The following BTBD16 variants were observed in gnomAD, a reference collection of about 807,000 sequenced individuals.
BTBD16 encodes BTB domain containing 16, also known as BTB/POZ domain-containing protein 16.
Under a neutral mutation model 67.4 loss-of-function variants are expected in BTBD16, and 66 were observed. The ratio of observed to expected loss-of-function variants is 0.98; its 90% CI spans 0.80 to 1.20. BTBD16 has a LOEUF of 1.20. Ranked by LOEUF, BTBD16 falls within the 50% of genes most tolerant of loss-of-function variation. The pLI is 0.00. For missense variants in BTBD16, 634 were observed against 616.0 expected (o/e 1.03, Z -0.31); for synonymous variants, 242 against 236.4 (o/e 1.02, Z -0.22).
intron 10 of BTBD16, among the ~76,000 whole-genome samples, chr10:122,328,064 C>T (rs914583910): frequency 6.6e-6 from 1 of 152,212 alleles, no homozygotes; most frequent in Non-Finnish European, 1.5e-5. Flanking sequence ...CCCTTCTTGC[C>T]CCTTGGAACC....
chr10:122,336,734 C>G (rs746718268), intron 15 of BTBD16, 52 bp downstream of exon 15: 6 of 1,477,570 alleles, frequency 4.1e-6, no homozygotes, highest in South Asian at 1.4e-5. Context: ...CTTTCTCTCC[C>G]CCATCCTTTT....
intron 1 of BTBD16, among the ~76,000 whole-genome samples, chr10:122,272,784 A>G (rs1218100878): frequency 3.3e-5 from 5 of 152,192 alleles, no homozygotes; most frequent in African/African-American, 1.2e-4. Context: ...CTTCTGCAGC[A>G]TGTATGGCAG....
At chr10:122,295,328 T>G (rs1446181591) in intron 7 of BTBD16, 5 of 985,016 alleles carry the variant, frequency 5.1e-6, no homozygotes, top group Non-Finnish European at 6.0e-6. Flanking sequence ...GGGGACAGGG[T>G]GGAGCAGCAT....
intron 10 of BTBD16, among the ~76,000 whole-genome samples, chr10:122,313,388 C>G (rs1565002597): frequency 6.6e-6 from 1 of 151,518 alleles, no homozygotes; most frequent in Non-Finnish European, 1.5e-5. Context: ...CCTCAGCCTC[C>G]TGAGTAGCTG....
At chr10:122,286,459 G>A in intron 5 of BTBD16, 1 of 322,844 alleles carries the variant, frequency 3.1e-6, no homozygotes, top group Non-Finnish European at 4.5e-6. Context: ...AAGAGTAGAG[G>A]AGGTACTAGG....
At chr10:122,297,507 A>G (rs1001849279) in intron 7 of BTBD16, among the ~76,000 whole-genome samples, 1 of 152,244 alleles carries the variant, frequency 6.6e-6, no homozygotes, top group Non-Finnish European at 1.5e-5. Context: ...AGCTTTGAGC[A>G]ATAATCCTTG....
At chr10:122,312,349 G>A (rs1199037212) in intron 10 of BTBD16, among the ~76,000 whole-genome samples, 1 of 117,242 alleles carries the variant, frequency 8.5e-6, no homozygotes, top group East Asian at 2.5e-4. Flanking sequence ...GTCTCGCTCT[G>A]TCTCCCAGGC....
At chr10:122,295,737 C>T (rs910445200) in intron 7 of BTBD16, among the ~76,000 whole-genome samples, 1 of 152,114 alleles carries the variant, frequency 6.6e-6, no homozygotes, top group African/African-American at 2.4e-5. Context: ...ATGACAGCAG[C>T]GCCTCATGTT....
intron 13 of BTBD16, 44 bp downstream of exon 13, chr10:122,332,557 C>T (rs369499344): frequency 1.9e-5 from 30 of 1,579,254 alleles, no homozygotes; most frequent in Non-Finnish European, 2.3e-5. Context: ...CTGTTCCTCT[C>T]GTGCTTAGTT....
At position 122,336,620 on chromosome 10, in the gene BTBD16, G is replaced by C. The variant is rs1385318837; in HGVS notation, c.1390G>C (p.Glu464Gln). ...AEALVDGKWQ[E>Q]FRTNQIKQKF... ...GGCCCTGGTTGACGGCAAGTGGCAG[G>C]AGTTCAGGACAAACCAGATCAAGCA... The change falls in exon 15 of 16, where the codon GAG becomes CAG. Residue 464 changes from glutamate to glutamine, a missense_variant. Glu to Gln is a conservative substitution (Grantham distance 29, BLOSUM62 2). Coordinates refer to ENST00000260723, the MANE Select transcript of BTBD16 (RefSeq NM_144587.5). The C allele has an allele frequency of 2.5e-6, 4 of 1,612,676 alleles. No individual in the cohort carries two copies. In the African/African-American group the frequency reaches 5.3e-5, roughly 22 times the overall value.
At chr10:122,328,648 G>T (rs2096449561) in intron 10 of BTBD16, 1 of 524,592 alleles carries the variant, frequency 1.9e-6, no homozygotes, top group African/African-American at 2.1e-5. Flanking sequence ...CCCTGGGTGG[G>T]TCCTATGCAG....
At chr10:122,325,768 C>T (rs1300533567) in intron 10 of BTBD16, among the ~76,000 whole-genome samples, 1 of 151,912 alleles carries the variant, frequency 6.6e-6, no homozygotes, top group Non-Finnish European at 1.5e-5. Flanking sequence ...TGCTGCCTCC[C>T]ATGTTCAAGC....
intron 7 of BTBD16, among the ~76,000 whole-genome samples, chr10:122,293,450 A>G (rs1564972900): frequency 1.3e-5 from 2 of 152,296 alleles, no homozygotes; most frequent in Non-Finnish European, 2.9e-5. Context: ...ACCTCTCTGC[A>G]GGGGACACAC....
rs772434804 is a variant in BTBD16, at chr10:122,307,210, C to T, written c.813C>T (p.Phe271=). 3.9e-5 allele frequency: 62 copies of T among 1,603,998 alleles called. No homozygotes were observed. Among genetic ancestry groups the T allele is most frequent in the Non-Finnish European group, 5.0e-5 (59 of 1,176,898 alleles). ...KSPRLFTFSE[F]HLLKTMLLWV... ...CCAGGTTATTTACCTTTAGTGAATTCCATCTTCTGAAAACAATGCTTTTGT... is the reference window on the plus strand; with the variant it reads ...CCAGGTTATTTACCTTTAGTGAATTTCATCTTCTGAAAACAATGCTTTTGT... The change falls in exon 10 of 16, where the codon TTC becomes TTT. Residue 271 remains phenylalanine, a synonymous_variant. Transcript: ENST00000260723.
In BTBD16 at chr10:122,329,403, T is replaced by C; in HGVS notation, c.912-77T>C. Reference sequence around the variant, plus strand: ...AGTGAAGCCACTAGTCTCTACAACATGGCTTTCCCTAGCCCGAGCTAATTC... The same window carrying C: ...AGTGAAGCCACTAGTCTCTACAACACGGCTTTCCCTAGCCCGAGCTAATTC... On this transcript the variant is annotated intron_variant, in intron 10 of 15. Coordinates refer to ENST00000260723, the MANE Select transcript of BTBD16 (RefSeq NM_144587.5). 3 of 1,426,840 alleles carry C rather than the reference T, an allele frequency of 2.1e-6. No homozygotes were observed. In the South Asian group the frequency reaches 3.5e-5, roughly 17 times the overall value. The allele number at this position is 1,426,840 out of a possible 1,614,324, so 88.4% of individuals were successfully genotyped here. A position where few individuals can be genotyped will look rare whatever the true frequency, so the allele number is the denominator to read the frequency against.
At chr10:122,322,640 G>A (rs1251344872) in intron 10 of BTBD16, among the ~76,000 whole-genome samples, 2 of 152,148 alleles carry the variant, frequency 1.3e-5, no homozygotes, top group African/African-American at 4.8e-5. Flanking sequence ...AATCCACGGT[G>A]ATTTATACAG....
chr10:122,310,250 T>C (rs913873538), intron 10 of BTBD16, among the ~76,000 whole-genome samples: 13 of 152,212 alleles, frequency 8.5e-5, no homozygotes, highest in African/African-American at 3.1e-4. Context: ...AGCTTTTCTG[T>C]AGGCTCTGAG....
rs572964944 is a variant in BTBD16, at chr10:122,288,481, C to G, written c.386-1428C>G. Reference sequence around the variant, plus strand: ...GATGATGGGCTTTTTGGCTCTGGCTCACATCATTTTTCATTATCTGGAACC... The same window carrying G: ...GATGATGGGCTTTTTGGCTCTGGCTGACATCATTTTTCATTATCTGGAACC... On this transcript the variant is annotated intron_variant, in intron 5 of 15. Transcript: ENST00000260723. Among the ~76,000 whole-genome samples the G allele has an allele frequency of 5.9e-5, 9 of 152,264 alleles. No homozygotes were observed. In the East Asian group the frequency reaches 1.7e-3, roughly 29 times the overall value.
intron 10 of BTBD16, among the ~76,000 whole-genome samples, chr10:122,309,580 C>T (rs978397051): frequency 8.6e-5 from 13 of 151,940 alleles, no homozygotes; most frequent in South Asian, 4.2e-4. Context: ...CTTGACCTCG[C>T]GATCCACCCG....
Sources: allele counts gnomAD v4.1 joint callset (sites outside exome capture counted in the v4.1 genomes callset), GRCh38; gene constraint gnomAD v4.1.1; transcripts MANE v1.5; gene names NCBI Gene and HGNC (gene_info 2026-07-23, HGNC 2026-07-21).